The following CRYBA4 variants were observed in gnomAD, a reference collection of about 807,000 sequenced individuals.
CRYBA4 encodes beta-crystallin A4.
In CRYBA4, 30 loss-of-function variants were observed where a neutral mutation model predicts 31.7. The ratio of observed to expected loss-of-function variants is 0.95; its 90% confidence interval spans 0.71 to 1.28. The LOEUF is 1.28. Among genes scored for constraint, CRYBA4 ranks in the 50% most tolerant of loss-of-function variants. CRYBA4 has a pLI of 0.00. For missense variants in CRYBA4, 225 were observed against 260.7 expected, an observed-to-expected ratio of 0.86 and a Z score of 0.94; for synonymous variants, 102 against 102.3, an observed-to-expected ratio of 1.00 and a Z score of 0.02.
the CRYBA4 span, among the ~76,000 whole-genome samples, chr22:26,606,563 G>A: frequency 6.6e-6 from 1 of 152,200 alleles, no homozygotes; most frequent in Non-Finnish European, 1.5e-5. Flanking sequence ...ACATAGGTTG[G>A]CATATAAGAA....
the CRYBA4 span, among the ~76,000 whole-genome samples, chr22:26,601,484 C>G: frequency 6.6e-6 from 1 of 151,768 alleles, no homozygotes; most frequent in Non-Finnish European, 1.5e-5. Context: ...AAATTCACTG[C>G]TCAGAACTCA....
the CRYBA4 span, among the ~76,000 whole-genome samples, chr22:26,601,305 C>T: frequency 0.018 from 2,789 of 152,172 alleles, 34 homozygotes; most frequent in Non-Finnish European, 0.025. Flanking sequence ...CATGGGGCTC[C>T]GTTTTGATAG....
the CRYBA4 span, chr22:26,616,257 G>A: frequency 4.3e-6 from 7 of 1,614,058 alleles, no homozygotes; most frequent in Non-Finnish European, 5.9e-6. Context: ...CCTTCCCCTT[G>A]GTGTCAGGCC....
chr22:26,595,579 C>CA, the CRYBA4 span, among the ~76,000 whole-genome samples: 28 of 126,204 alleles, frequency 2.2e-4, no homozygotes, highest in African/African-American at 3.0e-4. Flanking sequence ...AACTCCGTCT[C>CA]AAAAAAAAAA....
chr22:26,613,772 G>T, the CRYBA4 span, among the ~76,000 whole-genome samples: 1 of 152,180 alleles, frequency 6.6e-6, no homozygotes, highest in African/African-American at 2.4e-5. Flanking sequence ...ATTGTTCAGG[G>T]AATAAGAGAG....
the CRYBA4 span, among the ~76,000 whole-genome samples, chr22:26,615,982 A>G: frequency 2.7e-4 from 41 of 152,192 alleles, no homozygotes; most frequent in South Asian, 4.2e-4. Flanking sequence ...GAAAAGGGAG[A>G]GTAAATAGAA....
At chr22:26,616,444 A>G in the CRYBA4 span, 2 of 763,804 alleles carry the variant, frequency 2.6e-6, no homozygotes, top group South Asian at 1.5e-5. Context: ...TTTCCTCTCT[A>G]TCTCCTTCTG....
chr22:26,611,582 C>T, the CRYBA4 span, among the ~76,000 whole-genome samples: 1 of 151,366 alleles, frequency 6.6e-6, no homozygotes, highest in Non-Finnish European at 1.5e-5. Flanking sequence ...TCACGCCATT[C>T]TCCTGCCTCA....
At chr22:26,616,465 G>T in the CRYBA4 span, 1 of 692,806 alleles carries the variant, frequency 1.4e-6, no homozygotes, top group Non-Finnish European at 2.5e-6. Context: ...AAACGGTTAA[G>T]CCTGGAAGTT....
chr22:26,627,733 C>G (rs533832891), intron 4 of CRYBA4, among the ~76,000 whole-genome samples: 1 of 151,824 alleles, frequency 6.6e-6, no homozygotes, highest in African/African-American at 2.4e-5. Context: ...ACTGCAACCT[C>G]TGCCTCCCAG....
In CRYBA4 at chr22:26,625,601, C is replaced by T. The variant is rs775300710; in HGVS notation, c.279C>T (p.Ser93=). The part of the protein sequence containing the change: ...NTAYPAERLT[S]FRPAACANHR... The stretch of plus-strand genomic sequence containing the variant: ...CCTACCCCGCCGAGAGGCTCACCTC[C>T]TTCCGGCCTGCGGCCTGTGCTGTAA... Residue 93 remains serine, a synonymous_variant, in exon 4 of 6, where the codon TCC becomes TCT. Coordinates refer to ENST00000354760, the MANE Select transcript of CRYBA4 (RefSeq NM_001886.3). 36 of 1,613,862 alleles carry T rather than the reference C, an allele frequency of 2.2e-5. No homozygotes were observed. Among genetic ancestry groups the T allele is most frequent in the South Asian group, 2.0e-4 (18 of 91,082 alleles).
Position 26,623,287 on chromosome 22 carries a change from C to T in CRYBA4, c.93C>T (p.Ala31=), listed in dbSNP as rs377668327. 2.0e-5 allele frequency: 32 copies of T among 1,613,886 alleles called. No homozygotes were observed. Among genetic ancestry groups the T allele is most frequent in the Middle Eastern group, 1.6e-4 (1 of 6,080 alleles). Residue 31 remains alanine, a synonymous_variant, in exon 3 of 6, where the codon GCC becomes GCT. Coordinates refer to ENST00000354760, the MANE Select transcript of CRYBA4 (RefSeq NM_001886.3). The stretch of plus-strand genomic sequence containing the variant: ...AGGGCCGGCGGCACGAGTTCACGGC[C>T]GAGTGCCCCAGCGTGCTGGAGCTTG... ...GFQGRRHEFT[A]ECPSVLELGF... is the part of the protein sequence containing the mutation.
At chr22:26,615,522 CTT>C in the CRYBA4 span, among the ~76,000 whole-genome samples, 6 of 146,956 alleles carry the variant, frequency 4.1e-5, no homozygotes, top group Admixed American at 1.4e-4. Context: ...CTATTCTTTT[CTT>C]TTTTTTTTTG....
intron 4 of CRYBA4, 33 bp from the exon 5 acceptor site, chr22:26,628,255 C>G: frequency 6.2e-7 from 1 of 1,613,668 alleles, no homozygotes; most frequent in South Asian, 1.1e-5. Context: ...AACTGGGAGC[C>G]TGCTGGTCTG....
chr22:26,603,688 A>G, the CRYBA4 span, among the ~76,000 whole-genome samples: 1 of 151,568 alleles, frequency 6.6e-6, no homozygotes, highest in Non-Finnish European at 1.5e-5. Flanking sequence ...GTGGGATCAC[A>G]AGGTCAGGAG....
At chr22:26,627,414 T>C (rs1225193598) in intron 4 of CRYBA4, among the ~76,000 whole-genome samples, 1 of 95,344 alleles carries the variant, frequency 1.0e-5, no homozygotes, top group Non-Finnish European at 1.9e-5. Context: ...CTTTCTTTCT[T>C]TCTTTCTTTC....
chr22:26,628,519 T>C, intron 5 of CRYBA4, 89 bp downstream of exon 5: 1 of 1,498,918 alleles, frequency 6.7e-7, no homozygotes, highest in South Asian at 1.2e-5. Context: ...CTGGGGACTT[T>C]TGTGCTCTGA....
At chr22:26,614,928 A>T in the CRYBA4 span, among the ~76,000 whole-genome samples, 1 of 152,198 alleles carries the variant, frequency 6.6e-6, no homozygotes, top group Non-Finnish European at 1.5e-5. Flanking sequence ...CAAGCAGATT[A>T]CAGACACAGG....
In CRYBA4 at chr22:26,622,653, G is replaced by T; in HGVS notation, c.39+18G>T. On this transcript the variant is annotated intron_variant, in intron 2 of 5. Transcript: ENST00000354760. ...CCTGGAAGGTAGGAAGAGGCATGGG[G>T]AGGGGGTGTTCAGGGGGTATGGGGA... The T allele has an allele frequency of 6.3e-7, 1 of 1,583,950 alleles. No individual in the cohort carries two copies. The highest frequency in any genetic ancestry group is 8.7e-7 in the Non-Finnish European group (1 of 1,152,748).
Sources: gnomAD v4.1 joint callset for allele counts (sites outside exome capture counted in the v4.1 genomes callset) on GRCh38, gnomAD v4.1.1 for gene constraint, MANE v1.5 for transcripts, NCBI Gene and HGNC (gene_info 2026-07-23, HGNC 2026-07-21) for gene names.